The following CUL1 variants were observed in gnomAD, a reference collection of about 807,000 sequenced individuals.
CUL1 encodes the protein cullin 1.
A neutral mutation model predicts 118.0 loss-of-function variants in CUL1; 24 were observed. The ratio of observed to expected loss-of-function variants is 0.20; its 90% CI spans 0.15 to 0.29. The LOEUF (loss-of-function observed/expected upper bound fraction) is 0.29. Ranked by LOEUF, CUL1 falls within the 10% of genes least tolerant of loss-of-function variation. CUL1 has a pLI of 1.00. For missense variants in CUL1, 361 were observed against 933.8 expected (o/e 0.39, Z 7.99); for synonymous variants, 332 against 340.4 (o/e 0.98, Z 0.27).
In CUL1 at chr7:148,735,433, C is replaced by T. The variant is rs147095603; in HGVS notation, c.140+5171C>T. Reference sequence around the variant, plus strand: ...CGCCTTCCCTTCCATAGGAGCTGCACTGCAGGGGAGTGCTCAGGTGGCAGC... The same window carrying T: ...CGCCTTCCCTTCCATAGGAGCTGCATTGCAGGGGAGTGCTCAGGTGGCAGC... On this transcript the variant is annotated intron_variant, in intron 2 of 21. Coordinates refer to ENST00000325222, the MANE Select transcript of CUL1 (RefSeq NM_003592.3). Among the ~76,000 whole-genome samples, 666 of 152,366 alleles carry T rather than the reference C, an allele frequency of 4.4e-3. 6 individuals are homozygous for T. Among genetic ancestry groups the T allele is most frequent in the African/African-American group, 0.015 (637 of 41,590 alleles).
intron 7 of CUL1, among the ~76,000 whole-genome samples, 183 bp from the exon 8 acceptor site, chr7:148,766,373 GCTTCA>G (rs1800006843): frequency 6.6e-6 from 1 of 152,060 alleles, no homozygotes; most frequent in Non-Finnish European, 1.5e-5. Flanking sequence ...CAATCCTCCT[GCTTCA>G]GCCACCCAAA....
intron 2 of CUL1, among the ~76,000 whole-genome samples, chr7:148,742,267 G>T (rs1169450781): frequency 6.6e-6 from 1 of 152,140 alleles, no homozygotes; most frequent in Non-Finnish European, 1.5e-5. Context: ...AGGTTTAACG[G>T]ACTCAGAGTT....
chr7:148,737,471 A>G (rs764759403), intron 2 of CUL1, among the ~76,000 whole-genome samples: 2 of 151,668 alleles, frequency 1.3e-5, no homozygotes, highest in Admixed American at 6.6e-5. Flanking sequence ...ATTATACAGG[A>G]TAGTATGTGA....
At chr7:148,749,303 G>T (rs1272257170) in intron 2 of CUL1, among the ~76,000 whole-genome samples, 1 of 148,874 alleles carries the variant, frequency 6.7e-6, no homozygotes, top group Non-Finnish European at 1.5e-5. Context: ...TGTAATCTCA[G>T]TTATTCAGGA....
intron 2 of CUL1, among the ~76,000 whole-genome samples, chr7:148,745,325 G>A (rs757517098): frequency 2.6e-5 from 4 of 151,994 alleles, no homozygotes; most frequent in Non-Finnish European, 5.9e-5. Context: ...CAACATTTGG[G>A]TCAACTACAG....
At chr7:148,759,243 T>C in intron 4 of CUL1, 61 bp from the exon 5 acceptor site, 5 of 1,476,178 alleles carry the variant, frequency 3.4e-6, no homozygotes, top group Non-Finnish European at 4.7e-6. Context: ...TTATTTCCTA[T>C]GACTTCAATC....
intron 2 of CUL1, among the ~76,000 whole-genome samples, chr7:148,734,227 A>G (rs1798864768): frequency 6.6e-6 from 1 of 152,050 alleles, no homozygotes; most frequent in Non-Finnish European, 1.5e-5. Flanking sequence ...GATGTCTTAC[A>G]TGTGTATAGT....
chr7:148,768,702 A>C (rs1185917892), intron 9 of CUL1, among the ~76,000 whole-genome samples: 1 of 152,110 alleles, frequency 6.6e-6, no homozygotes. Flanking sequence ...AAAGTTTCTA[A>C]AACACATTGG....
intron 2 of CUL1, among the ~76,000 whole-genome samples, chr7:148,750,570 A>T (rs1050392635): frequency 2.6e-5 from 4 of 151,814 alleles, no homozygotes; most frequent in African/African-American, 9.7e-5. Flanking sequence ...TGTCCTTGTG[A>T]TAGTTTGCTC....
intron 2 of CUL1, 103 bp downstream of exon 2, chr7:148,730,365 A>G (rs1200166368): frequency 3.1e-6 from 4 of 1,273,432 alleles, no homozygotes; most frequent in South Asian, 3.2e-5. Flanking sequence ...CTCCCAGTTC[A>G]TCATGTAAAA....
At chr7:148,763,519 T>TAA (rs1799906702) in intron 7 of CUL1, among the ~76,000 whole-genome samples, 2 of 152,232 alleles carry the variant, frequency 1.3e-5, no homozygotes, top group African/African-American at 4.8e-5. Context: ...GGGGATGACC[T>TAA]TAATGCTTCT....
intron 3 of CUL1, among the ~76,000 whole-genome samples, chr7:148,754,509 C>A (rs1799595534): frequency 6.6e-6 from 1 of 152,100 alleles, no homozygotes; most frequent in South Asian, 2.1e-4. Flanking sequence ...GCTTTGATAA[C>A]CTTTTAGCAT....
intron 16 of CUL1, among the ~76,000 whole-genome samples, chr7:148,790,752 C>T (rs1324272386): frequency 6.6e-6 from 1 of 152,178 alleles, no homozygotes; most frequent in African/African-American, 2.4e-5. Flanking sequence ...ACCGCTCCTG[C>T]CTGACACACA....
intron 9 of CUL1, among the ~76,000 whole-genome samples, chr7:148,776,866 C>T (rs1184939728): frequency 6.6e-6 from 1 of 152,206 alleles, no homozygotes; most frequent in African/African-American, 2.4e-5. Context: ...GCCCTATACT[C>T]ATCTTCCTAT....
chr7:148,792,343 T>C (rs1801043334), intron 16 of CUL1, among the ~76,000 whole-genome samples: 1 of 152,252 alleles, frequency 6.6e-6, no homozygotes, highest in South Asian at 2.1e-4. Flanking sequence ...TAATATTCCT[T>C]AGCTCATGTG....
intron 7 of CUL1, among the ~76,000 whole-genome samples, chr7:148,762,651 T>C (rs1289840080): frequency 1.3e-5 from 2 of 152,378 alleles, no homozygotes; most frequent in Admixed American, 6.5e-5. Context: ...GTGATTCTTT[T>C]AAAACTATAT....
intron 7 of CUL1, among the ~76,000 whole-genome samples, chr7:148,765,359 A>G (rs1799970847): frequency 6.6e-6 from 1 of 152,206 alleles, no homozygotes; most frequent in Non-Finnish European, 1.5e-5. Flanking sequence ...AAGGCACGGT[A>G]GCTGGACAGC....
At chr7:148,745,853 T>A (rs1462195527) in intron 2 of CUL1, among the ~76,000 whole-genome samples, 1 of 152,060 alleles carries the variant, frequency 6.6e-6, no homozygotes, top group African/African-American at 2.4e-5. Context: ...TCAGTTGTTT[T>A]GCTTGTTTCA....
intron 17 of CUL1, among the ~76,000 whole-genome samples, chr7:148,796,009 G>C (rs939692824): frequency 1.1e-4 from 17 of 151,722 alleles, no homozygotes; most frequent in African/African-American, 3.9e-4. Context: ...TGATTCTTCT[G>C]GCTAGAATTT....
Sources: allele counts gnomAD v4.1 joint callset (sites outside exome capture counted in the v4.1 genomes callset), GRCh38; gene constraint gnomAD v4.1.1; transcripts MANE v1.5; gene names NCBI Gene and HGNC (gene_info 2026-07-23, HGNC 2026-07-21).